Variants in ST6GAL1 observed in about 807,000 individuals in gnomAD.
ST6GAL1 encodes ST6 beta-galactoside alpha-2,6-sialyltransferase 1.
In ST6GAL1, 20 loss-of-function variants were observed where a neutral mutation model predicts 38.0. The observed-to-expected ratio is 0.53, with a 90% CI of 0.37 to 0.77. The LOEUF is 0.77. Among genes scored for constraint, ST6GAL1 ranks in the 30% least tolerant of loss-of-function variants. The pLI, the probability that ST6GAL1 is intolerant of heterozygous loss-of-function variation, is 0.00. For synonymous variants in ST6GAL1, 196 were observed against 188.2 expected (o/e 1.04, Z -0.34); for missense variants, 432 against 496.4 (o/e 0.87, Z 1.23).
intron 2 of ST6GAL1, among the ~76,000 whole-genome samples, chr3:187,000,027 A>C: frequency 6.6e-6 from 1 of 151,810 alleles, no homozygotes; most frequent in East Asian, 1.9e-4. Context: ...TTTGTAGAGT[A>C]TGTTGGCCAG....
At chr3:187,001,721 GCCCAGGCGGGCA>G (rs1716623226) in intron 2 of ST6GAL1, among the ~76,000 whole-genome samples, 1 of 152,142 alleles carries the variant, frequency 6.6e-6, no homozygotes, top group Non-Finnish European at 1.5e-5. Flanking sequence ...ACTTTGGGAG[GCCCAGGCGGGCA>G]GATCACGAGG....
At chr3:187,030,634 G>C (rs904678244) in intron 2 of ST6GAL1, among the ~76,000 whole-genome samples, 1 of 151,966 alleles carries the variant, frequency 6.6e-6, no homozygotes, top group Non-Finnish European at 1.5e-5. Flanking sequence ...AGGTTTCACC[G>C]TGTTGGCTAG....
intron 2 of ST6GAL1, among the ~76,000 whole-genome samples, chr3:187,007,752 CAAAT>C (rs934960951): frequency 1.3e-5 from 2 of 152,106 alleles, no homozygotes; most frequent in African/African-American, 4.8e-5. Context: ...AATTATTAGA[CAAAT>C]AAAGTAGGTA....
chr3:186,959,614 G>A (rs1471135443), intron 1 of ST6GAL1, among the ~76,000 whole-genome samples: 2 of 152,172 alleles, frequency 1.3e-5, no homozygotes, highest in Admixed American at 6.5e-5. Flanking sequence ...CTCCCCATAT[G>A]AACCATCAAG....
chr3:186,988,849 G>C (rs952141589), intron 2 of ST6GAL1, among the ~76,000 whole-genome samples: 4 of 152,248 alleles, frequency 2.6e-5, no homozygotes, highest in African/African-American at 9.6e-5. Flanking sequence ...GAGAGGTGGA[G>C]GTTGCAGTGA....
intron 2 of ST6GAL1, among the ~76,000 whole-genome samples, chr3:186,996,845 C>T (rs1360913218): frequency 6.6e-6 from 1 of 151,776 alleles, no homozygotes. Context: ...CATACGTGTC[C>T]CCCGCTTCTT....
intron 2 of ST6GAL1, among the ~76,000 whole-genome samples, chr3:187,001,484 T>G (rs1469545724): frequency 6.6e-6 from 1 of 152,200 alleles, no homozygotes; most frequent in Non-Finnish European, 1.5e-5. Flanking sequence ...TGGGTTTGGA[T>G]CTCACTTCCA....
chr3:187,036,051 T>C (rs1312583335), intron 2 of ST6GAL1, among the ~76,000 whole-genome samples: 1 of 151,886 alleles, frequency 6.6e-6, no homozygotes, highest in Non-Finnish European at 1.5e-5. Context: ...ACTTAAACAA[T>C]TGAACAAGCA....
chr3:186,935,192 C>G (rs1190530985), intron 1 of ST6GAL1, among the ~76,000 whole-genome samples: 1 of 151,934 alleles, frequency 6.6e-6, no homozygotes, highest in East Asian at 1.9e-4. Flanking sequence ...TGGTGTCTGT[C>G]GTTTCCCCTC....
chr3:187,075,931 G>C lies in ST6GAL1; in HGVS notation c.*128G>C. ...TTACTCTAGGGGCCTCTGTCAGCAA[G>C]ACCATGGGGACTTCAAGAGCCTGTG... On this transcript the variant is annotated 3_prime_UTR_variant, in exon 8 of 8. Coordinates refer to ENST00000169298, the MANE Select transcript of ST6GAL1 (RefSeq NM_173216.2). The surrounding 1 kb of genome is among the most constrained non-coding windows in gnomAD (Gnocchi z 4.1). 1 of 1,402,346 alleles carries C rather than the reference G, an allele frequency of 7.1e-7. No homozygotes were observed. Among genetic ancestry groups the C allele is most frequent in the Non-Finnish European group, 9.5e-7 (1 of 1,051,130 alleles). The allele number at this position is 1,402,346 out of a possible 1,614,324, so 86.9% of individuals were successfully genotyped here.
chr3:187,075,862 A>G lies in ST6GAL1; in HGVS notation c.*59A>G. ...AAATGAATGGTCTCTTGGCCACCCC[A>G]GCCTGGGAAGAACATTTTCCTGAAC... On this transcript the variant is annotated 3_prime_UTR_variant, in exon 8 of 8. Transcript: ENST00000169298. The surrounding 1 kb of genome is among the most constrained non-coding windows in gnomAD (Gnocchi z 4.1). The G allele has an allele frequency of 1.9e-6, 3 of 1,596,344 alleles. No individual in the cohort carries two copies. The highest frequency in any genetic ancestry group is 2.6e-6 in the Non-Finnish European group (3 of 1,170,114).
intron 4 of ST6GAL1, among the ~76,000 whole-genome samples, chr3:187,049,324 C>T (rs1028822783): frequency 2.0e-5 from 3 of 152,224 alleles, no homozygotes; most frequent in Non-Finnish European, 2.9e-5. Context: ...CGCCATGTTT[C>T]GCCTTGCAGA....
At chr3:187,027,236 C>T (rs1333740938) in intron 2 of ST6GAL1, among the ~76,000 whole-genome samples, 1 of 152,160 alleles carries the variant, frequency 6.6e-6, no homozygotes, top group Non-Finnish European at 1.5e-5. Flanking sequence ...CACTCCATTT[C>T]TGTACTTTTC....
chr3:187,028,410 A>G (rs997269054), intron 2 of ST6GAL1, among the ~76,000 whole-genome samples: 1 of 152,230 alleles, frequency 6.6e-6, no homozygotes, highest in Admixed American at 6.5e-5. Flanking sequence ...GAGTTTGAAA[A>G]TCAGTCTTGT....
In ST6GAL1 at chr3:187,077,259, ATGGT is replaced by A. The variant is rs1389634827; in HGVS notation, c.*1458_*1461del. 2.5e-5 allele frequency: 8 copies of A among 315,722 alleles called. No individual in the cohort carries two copies. The highest frequency in any genetic ancestry group is 4.6e-5 in the Non-Finnish European group (8 of 175,272). The allele number at this position is 315,722 out of a possible 1,614,324, so 19.6% of individuals were successfully genotyped here. On this transcript the variant is annotated 3_prime_UTR_variant, in exon 8 of 8. Transcript: ENST00000169298. ...TGTAGTTTGCAGACATGCTCTCCAG[ATGGT>A]TTTACTAAGTCCCCTCTCCCTGATA... is the stretch of plus-strand genomic sequence containing the variant.
At chr3:187,023,363 T>C (rs367998635) in intron 2 of ST6GAL1, among the ~76,000 whole-genome samples, 2 of 152,336 alleles carry the variant, frequency 1.3e-5, no homozygotes, top group East Asian at 1.9e-4. Flanking sequence ...ATCCTCACTA[T>C]AAGGTGAGTG....
At chr3:187,064,832 G>C (rs1719042120) in intron 5 of ST6GAL1, among the ~76,000 whole-genome samples, 1 of 152,088 alleles carries the variant, frequency 6.6e-6, no homozygotes, top group South Asian at 2.1e-4. Context: ...TAACTATTTT[G>C]TGTCTGTTTC....
At chr3:186,958,025 G>A (rs185703668) in intron 1 of ST6GAL1, among the ~76,000 whole-genome samples, 1 of 151,476 alleles carries the variant, frequency 6.6e-6, no homozygotes, top group Admixed American at 6.6e-5. Flanking sequence ...AGAATGGAAG[G>A]TTCCAGAAGG....
chr3:187,069,122 C>T (rs1719273110), intron 5 of ST6GAL1, among the ~76,000 whole-genome samples: 1 of 152,068 alleles, frequency 6.6e-6, no homozygotes, highest in African/African-American at 2.4e-5. Context: ...GTAGTCTCAT[C>T]CTTGAACTTC....
Sources: allele counts gnomAD v4.1 joint callset (sites outside exome capture counted in the v4.1 genomes callset), GRCh38; gene constraint gnomAD v4.1.1; non-coding constraint Gnocchi (gnomAD v3.1); transcripts MANE v1.5; gene names NCBI Gene and HGNC (gene_info 2026-07-23, HGNC 2026-07-21).